Variants in PEX5L observed in about 807,000 individuals in gnomAD.
PEX5L encodes PEX5-related protein.
In PEX5L, 30 loss-of-function variants were observed where a neutral mutation model predicts 84.0. The ratio of observed to expected loss-of-function variants is 0.36; its 90% confidence interval spans 0.27 to 0.48. PEX5L has a LOEUF of 0.48. Ranked by LOEUF, PEX5L falls within the 20% of genes least tolerant of loss-of-function variation. The pLI is 0.99. For missense variants in PEX5L, 533 were observed against 754.6 expected (o/e 0.71, Z 3.44); for synonymous variants, 270 against 283.1 (o/e 0.95, Z 0.46).
intron 3 of PEX5L, among the ~76,000 whole-genome samples, chr3:179,890,614 AT>A (rs1332953603): frequency 2.6e-5 from 4 of 152,210 alleles, no homozygotes; most frequent in African/African-American, 9.6e-5. Flanking sequence ...TATGAGCTAT[AT>A]TCCGTGGAAA....
At chr3:180,035,338 T>C (rs149472007) in intron 1 of PEX5L, among the ~76,000 whole-genome samples, 293 of 152,304 alleles carry the variant, frequency 1.9e-3, no homozygotes, top group African/African-American at 6.7e-3. Context: ...GCAGATCACA[T>C]TGATCATATA....
At chr3:179,875,137 ATCTC>A (rs1257943379) in intron 6 of PEX5L, among the ~76,000 whole-genome samples, 1 of 105,258 alleles carries the variant, frequency 9.5e-6, no homozygotes. Context: ...TGATTTAAGA[ATCTC>A]TCAAAATGCT....
chr3:179,885,180 A>G (rs1755415189), intron 4 of PEX5L, among the ~76,000 whole-genome samples: 1 of 152,068 alleles, frequency 6.6e-6, no homozygotes, highest in Admixed American at 6.6e-5. Context: ...ATTTTTCCAG[A>G]CCCCCTACGT....
chr3:180,009,534 G>T (rs1789232520), intron 1 of PEX5L, among the ~76,000 whole-genome samples: 1 of 151,820 alleles, frequency 6.6e-6, no homozygotes, highest in South Asian at 2.1e-4. Flanking sequence ...GCAGAAGTTT[G>T]TAGGAACTCA....
chr3:179,920,343 T>C (rs529546925), intron 2 of PEX5L, among the ~76,000 whole-genome samples: 1 of 152,332 alleles, frequency 6.6e-6, no homozygotes, highest in African/African-American at 2.4e-5. Context: ...TTCTTCTTGA[T>C]TGAGTTGGGT....
intron 1 of PEX5L, among the ~76,000 whole-genome samples, chr3:180,006,004 T>G (rs1788856280): frequency 6.6e-6 from 1 of 152,244 alleles, no homozygotes; most frequent in Non-Finnish European, 1.5e-5. Context: ...ATGTTTATCT[T>G]TTAGAAGTCT....
intron 1 of PEX5L, among the ~76,000 whole-genome samples, chr3:179,977,813 T>C (rs1218694394): frequency 6.6e-6 from 1 of 152,222 alleles, no homozygotes; most frequent in Non-Finnish European, 1.5e-5. Context: ...TGGTTAAGTC[T>C]GGCATTTTTT....
At chr3:179,979,178 C>T (rs867768382) in intron 1 of PEX5L, among the ~76,000 whole-genome samples, 18 of 152,084 alleles carry the variant, frequency 1.2e-4, no homozygotes, top group Admixed American at 3.3e-4. Context: ...CAGCAATGTT[C>T]CACATTACTT....
At position 179,880,008 on chromosome 3, in the gene PEX5L, A is replaced by G. The variant is rs770077367; in HGVS notation, c.426T>C (p.Asp142=). 2 of 1,613,958 alleles carry G rather than the reference A, an allele frequency of 1.2e-6. No individual in the cohort carries two copies. Among genetic ancestry groups the G allele is most frequent in the Admixed American group, 3.3e-5 (2 of 60,004 alleles). ...SKTSSLKKKA[D]GSDLISTDAE... is the part of the protein sequence containing the mutation. ...CATCCGTGCTGATGAGGTCAGATCCATCGGCCTTTTTCTTGAGGGATGAGG... is the reference window on the plus strand; with the variant it reads ...CATCCGTGCTGATGAGGTCAGATCCGTCGGCCTTTTTCTTGAGGGATGAGG... The change falls in exon 5 of 15, where the codon GAT becomes GAC. Residue 142 remains aspartate (D), a synonymous_variant. Coordinates refer to ENST00000467460, the MANE Select transcript of PEX5L (RefSeq NM_016559.3).
At chr3:179,857,967 T>C (rs545173090) in intron 8 of PEX5L, among the ~76,000 whole-genome samples, 15 of 152,296 alleles carry the variant, frequency 9.8e-5, no homozygotes, top group African/African-American at 2.6e-4. Context: ...GATGGTATTG[T>C]GGTGAAATAA....
intron 3 of PEX5L, among the ~76,000 whole-genome samples, chr3:179,892,391 C>T (rs1420880885): frequency 1.3e-5 from 2 of 152,080 alleles, no homozygotes; most frequent in African/African-American, 4.8e-5. Context: ...CCATGTCTTG[C>T]CCAGTGTCAT....
intron 3 of PEX5L, among the ~76,000 whole-genome samples, chr3:179,889,541 C>T (rs1578090267): frequency 1.3e-5 from 2 of 152,174 alleles, no homozygotes; most frequent in African/African-American, 4.8e-5. Context: ...CTTCTTTTAA[C>T]GTTCAAGTTA....
intron 1 of PEX5L, among the ~76,000 whole-genome samples, chr3:179,997,811 C>G (rs1788030963): frequency 6.6e-6 from 1 of 152,220 alleles, no homozygotes; most frequent in Non-Finnish European, 1.5e-5. Flanking sequence ...TTGGCAAATG[C>G]CTTTTTCTCC....
At chr3:179,856,860 A>T (rs987422678) in intron 8 of PEX5L, among the ~76,000 whole-genome samples, 2 of 152,138 alleles carry the variant, frequency 1.3e-5, no homozygotes, top group Non-Finnish European at 2.9e-5. Flanking sequence ...GAAGACATAA[A>T]CTTACAGGGT....
At position 179,856,483 on chromosome 3, in the gene PEX5L, G is replaced by A. The variant is rs150441276; in HGVS notation, c.822+2579C>T. On this transcript the variant is annotated intron_variant, in intron 8 of 14. Transcript: ENST00000467460. Reference sequence around the variant, plus strand: ...TAAAATATTGCAACTTTCAAGTTACGTCTCTAGGATAAATTCTATGAAGTG... The same window carrying A: ...TAAAATATTGCAACTTTCAAGTTACATCTCTAGGATAAATTCTATGAAGTG... Among the ~76,000 whole-genome samples, 143 of 152,214 alleles carry A rather than the reference G, an allele frequency of 9.4e-4. 1 individual carries two copies. Among genetic ancestry groups the A allele is most frequent in the African/African-American group, 3.2e-3 (135 of 41,540 alleles).
At chr3:179,984,961 C>T (rs962388168) in intron 1 of PEX5L, among the ~76,000 whole-genome samples, 2 of 152,158 alleles carry the variant, frequency 1.3e-5, no homozygotes. Context: ...TGCTTGAACA[C>T]AAAATCAAAT....
At chr3:179,952,363 C>T (rs138679367) in intron 2 of PEX5L, among the ~76,000 whole-genome samples, 2,314 of 152,022 alleles carry the variant, frequency 0.015, 31 homozygotes, top group South Asian at 0.03. Flanking sequence ...AAGGGTCTAC[C>T]GCCTTTGCTA....
intron 14 of PEX5L, among the ~76,000 whole-genome samples, chr3:179,805,411 C>G (rs930726074): frequency 1.3e-5 from 2 of 152,064 alleles, no homozygotes; most frequent in African/African-American, 2.4e-5. Context: ...ATGCTCAGGT[C>G]CCTTGTATAA....
At chr3:179,982,669 T>A (rs1044632904) in intron 1 of PEX5L, among the ~76,000 whole-genome samples, 1 of 152,130 alleles carries the variant, frequency 6.6e-6, no homozygotes, top group South Asian at 2.1e-4. Flanking sequence ...AAAAATGTAT[T>A]GGTAATATAC....
Sources: allele counts gnomAD v4.1 joint callset (sites outside exome capture counted in the v4.1 genomes callset), GRCh38; gene constraint gnomAD v4.1.1; transcripts MANE v1.5; gene names NCBI Gene and HGNC (gene_info 2026-07-23, HGNC 2026-07-21).